The following LIMCH1 variants were observed in gnomAD, a reference collection of about 807,000 sequenced individuals.
LIMCH1 encodes the protein LIM and calponin homology domains 1, also known as LIM and calponin homology domains-containing protein 1.
In LIMCH1, 113 loss-of-function variants were observed where a neutral mutation model predicts 176.5. The observed-to-expected ratio is 0.64, with a 90% CI of 0.55 to 0.75. The LOEUF is 0.75. LIMCH1 is among the 30% of genes least tolerant of loss of function. The probability of loss-of-function intolerance (pLI) is 0.00; values close to 1 mark genes in which losing one functional copy is unlikely to be tolerated. For missense variants in LIMCH1, 1,674 were observed against 1,814.9 expected, an observed-to-expected ratio of 0.92 and a Z score of 1.41; for synonymous variants, 619 against 645.9, an observed-to-expected ratio of 0.96 and a Z score of 0.63.
At chr4:41,597,473 A>C (rs1411654526) in intron 1 of LIMCH1, among the ~76,000 whole-genome samples, 1 of 152,204 alleles carries the variant, frequency 6.6e-6, no homozygotes. Context: ...ATACAACCTA[A>C]TGTCTTTAAC....
rs1561979295 is a variant in LIMCH1, at chr4:41,627,017, A to G, written c.1028+7A>G. ...GAAGTCTAGAATATAAAAGGTGTGC[A>G]TGGTGTGTGTGTGTGTGTGTGTGTG... On this transcript the variant is annotated splice_region_variant and intron_variant, in intron 8 of 31. Transcript: ENST00000503057. 4.6e-6 allele frequency: 6 copies of G among 1,316,092 alleles called. No individual in the cohort carries two copies. Among genetic ancestry groups the G allele is most frequent in the African/African-American group, 1.7e-5 (1 of 57,162 alleles). The allele number at this position is 1,316,092 out of a possible 1,614,324, so 81.5% of individuals were successfully genotyped here.
intron 1 of LIMCH1, among the ~76,000 whole-genome samples, chr4:41,557,313 G>C (rs1328079696): frequency 6.6e-6 from 1 of 152,122 alleles, no homozygotes; most frequent in Non-Finnish European, 1.5e-5. Context: ...TACCTTTGAA[G>C]CTTCGTAAAA....
At chr4:41,631,106 T>C in intron 9 of LIMCH1, 42 bp from the exon 10 acceptor site, 1 of 1,408,228 alleles carries the variant, frequency 7.1e-7, no homozygotes, top group Non-Finnish European at 9.3e-7. Flanking sequence ...CTTATTGATT[T>C]GTACTCAGAC....
At chr4:41,374,876 C>T (rs942767974) in intron 1 of LIMCH1, among the ~76,000 whole-genome samples, 2 of 152,180 alleles carry the variant, frequency 1.3e-5, no homozygotes, top group African/African-American at 4.8e-5. Context: ...GACTCCAGTC[C>T]TCAAGTTCTC....
At chr4:41,566,240 C>T (rs1179938157) in intron 1 of LIMCH1, among the ~76,000 whole-genome samples, 1 of 152,144 alleles carries the variant, frequency 6.6e-6, no homozygotes. Flanking sequence ...TTTTGAGCCT[C>T]CCCCAAGAAT....
chr4:41,406,088 C>A (rs377282136), intron 1 of LIMCH1, among the ~76,000 whole-genome samples: 2 of 152,154 alleles, frequency 1.3e-5, no homozygotes, highest in African/African-American at 4.8e-5. Context: ...CGTAATCAAG[C>A]CTCTATCAAT....
chr4:41,534,151 T>C (rs994987880), upstream of LIMCH1, among the ~76,000 whole-genome samples: 1 of 152,086 alleles, frequency 6.6e-6, no homozygotes, highest in African/African-American at 2.4e-5. Context: ...AGATAAGTAG[T>C]CCAAATGAGA....
chr4:41,363,570 C>G (rs1414906033), intron 1 of LIMCH1, among the ~76,000 whole-genome samples: 1 of 152,140 alleles, frequency 6.6e-6, no homozygotes, highest in Non-Finnish European at 1.5e-5. Context: ...AGAAAACATT[C>G]ATTCTTAATA....
At position 41,372,249 on chromosome 4, in the gene LIMCH1, A is replaced by C. The variant is rs60075377; in HGVS notation, c.96+11313A>C. The stretch of plus-strand genomic sequence containing the variant: ...CGTTTGTTCTGTAATAGGAAATAGA[A>C]AACATCTTTTTATGTGTGCTGGTAA... On this transcript the variant is annotated intron_variant, in intron 1 of 26. Coordinates refer to the LIMCH1 transcript ENST00000313860. 4.6e-3 allele frequency among the ~76,000 whole-genome samples: 700 copies of C among 152,274 alleles called. 10 individuals are homozygous for C. Among genetic ancestry groups the C allele is most frequent in the African/African-American group, 0.016 (663 of 41,540 alleles).
chr4:41,626,743 G>A lies in LIMCH1; in HGVS notation c.761G>A (p.Arg254His), dbSNP rs189674193. ...TTAAGTGAAGAGAAAGAAGCTATTC[G>A]TGATATTGTCCTTCGCAAAGAAAAC... ...KQLSEEKEAI[R>H]DIVLRKENSF... Residue 254 changes from arginine (R) to histidine (H), a missense_variant, in exon 8 of 32, where the codon CGT (arginine) becomes CAT (histidine). Arg to His is a conservative substitution (Grantham distance 29, BLOSUM62 0). Coordinates refer to ENST00000503057, the MANE Select transcript of LIMCH1 (RefSeq NM_001330672.2). 2.1e-4 allele frequency: 327 copies of A among 1,536,266 alleles called. No homozygotes were observed. The African/African-American group carries it at 4.1e-3, about 19-fold the overall frequency.
intron 1 of LIMCH1, among the ~76,000 whole-genome samples, chr4:41,438,017 A>C (rs2154139692): frequency 6.6e-6 from 1 of 152,218 alleles, no homozygotes; most frequent in East Asian, 1.9e-4. Flanking sequence ...TTCTACCTGG[A>C]ATATGAGAAA....
chr4:41,560,383 G>A (rs1197403794), intron 1 of LIMCH1, among the ~76,000 whole-genome samples: 2 of 152,118 alleles, frequency 1.3e-5, no homozygotes, highest in East Asian at 3.9e-4. Flanking sequence ...AGGCTTTCAG[G>A]GCCACACAAG....
At chr4:41,662,602 G>A (rs1256048604) in intron 19 of LIMCH1, among the ~76,000 whole-genome samples, 1 of 152,186 alleles carries the variant, frequency 6.6e-6, no homozygotes, top group East Asian at 1.9e-4. Context: ...TGTGGTTATA[G>A]GACGTGATTT....
intron 1 of LIMCH1, among the ~76,000 whole-genome samples, chr4:41,461,074 G>T (rs1043323641): frequency 6.6e-6 from 1 of 152,146 alleles, no homozygotes; most frequent in Non-Finnish European, 1.5e-5. Flanking sequence ...TTATGTAGTG[G>T]TTATCCTATG....
At chr4:41,669,667 A>G (rs2094948073) in intron 21 of LIMCH1, among the ~76,000 whole-genome samples, 1 of 152,254 alleles carries the variant, frequency 6.6e-6, no homozygotes, top group Non-Finnish European at 1.5e-5. Flanking sequence ...AATAACAGTA[A>G]TAATTGCTTG....
intron 14 of LIMCH1, 121 bp from the exon 15 acceptor site, chr4:41,644,379 C>T: frequency 1.6e-6 from 2 of 1,286,572 alleles, no homozygotes; most frequent in Non-Finnish European, 2.1e-6. Context: ...CTGTGCGCAG[C>T]CCGGGAAGGG....
chr4:41,367,866 TAAAA>T (rs750045066), intron 1 of LIMCH1, among the ~76,000 whole-genome samples: 25 of 90,942 alleles, frequency 2.7e-4, no homozygotes, highest in South Asian at 3.5e-4. Context: ...GACTCCATCA[TAAAA>T]AAAAAAAAAA....
At chr4:41,494,626 A>T in intron 2 of LIMCH1, 1 of 1,525,070 alleles carries the variant, frequency 6.6e-7, no homozygotes, top group Non-Finnish European at 9.0e-7. Flanking sequence ...GCCTATATTC[A>T]GTTGGTTTTA....
intron 1 of LIMCH1, among the ~76,000 whole-genome samples, chr4:41,563,445 T>C (rs920334112): frequency 2.0e-5 from 3 of 152,170 alleles, no homozygotes; most frequent in Admixed American, 1.3e-4. Context: ...ATGAAGCAAG[T>C]ATCTCTCAAA....
Sources: gnomAD v4.1 joint callset for allele counts (sites outside exome capture counted in the v4.1 genomes callset) on GRCh38, gnomAD v4.1.1 for gene constraint, MANE v1.5 for transcripts, NCBI Gene and HGNC (gene_info 2026-07-23, HGNC 2026-07-21) for gene names.